Variants in CENPW observed in about 807,000 individuals in gnomAD.
The protein encoded by CENPW is centromere protein W, also known as cancer-up-regulated gene 2 protein.
A neutral mutation model predicts 11.1 loss-of-function variants in CENPW; 3 were observed. The ratio of observed to expected loss-of-function variants is 0.27; its 90% CI spans 0.12 to 0.70. CENPW has a LOEUF of 0.70. Among genes scored for constraint, CENPW ranks in the 30% least tolerant of loss-of-function variants. CENPW has a pLI of 0.77. For missense variants in CENPW, 100 were observed against 105.6 expected (o/e 0.95, Z 0.23); for synonymous variants, 38 against 42.0 (o/e 0.91, Z 0.37).
the CENPW span, among the ~76,000 whole-genome samples, chr6:126,427,653 A>G: frequency 6.6e-6 from 1 of 152,190 alleles, no homozygotes; most frequent in African/African-American, 2.4e-5. Context: ...TATATTATGC[A>G]TTTTTAATCT....
chr6:126,354,972 C>G, the CENPW span, among the ~76,000 whole-genome samples: 1 of 151,940 alleles, frequency 6.6e-6, no homozygotes, highest in Non-Finnish European at 1.5e-5. Flanking sequence ...TCCAAACTAC[C>G]TAGAAATAAA....
chr6:126,371,421 C>T, the CENPW span, among the ~76,000 whole-genome samples: 1 of 152,176 alleles, frequency 6.6e-6, no homozygotes, highest in South Asian at 2.1e-4. Context: ...ACTGTCCCTG[C>T]ATCCCTGATA....
At chr6:126,395,100 T>G in the CENPW span, among the ~76,000 whole-genome samples, 1 of 152,124 alleles carries the variant, frequency 6.6e-6, no homozygotes, top group Non-Finnish European at 1.5e-5. Flanking sequence ...GGAAGTTCTC[T>G]GTTATTATCC....
At chr6:126,443,741 G>GTTC in the CENPW span, among the ~76,000 whole-genome samples, 1 of 150,752 alleles carries the variant, frequency 6.6e-6, no homozygotes, top group African/African-American at 2.4e-5. Context: ...TTTAATCTTG[G>GTTC]TTCTATAGGT....
the CENPW span, among the ~76,000 whole-genome samples, chr6:126,430,633 AG>A: frequency 3.3e-5 from 5 of 152,218 alleles, no homozygotes; most frequent in Non-Finnish European, 5.9e-5. Flanking sequence ...GTGGTAGGAA[AG>A]GTCGGTTGTT....
chr6:126,462,528 T>TCA, the CENPW span, among the ~76,000 whole-genome samples: 176 of 147,860 alleles, frequency 1.2e-3, 1 homozygote, highest in Non-Finnish European at 1.6e-3. Context: ...TCTCTCTCTC[T>TCA]CTCTCACACA....
At chr6:126,349,812 G>T (rs1455195231), downstream of CENPW, among the ~76,000 whole-genome samples, 1 of 151,978 alleles carries the variant, frequency 6.6e-6, no homozygotes, top group Non-Finnish European at 1.5e-5. Context: ...ATTTCCCTGG[G>T]AGTTTTATTC....
the CENPW span, among the ~76,000 whole-genome samples, chr6:126,379,540 C>G: frequency 2.0e-5 from 3 of 152,076 alleles, no homozygotes; most frequent in Admixed American, 6.6e-5. Context: ...GCTGCTAACC[C>G]TCTGCTTCCC....
At chr6:126,363,892 C>A in the CENPW span, among the ~76,000 whole-genome samples, 1 of 152,182 alleles carries the variant, frequency 6.6e-6, no homozygotes, top group Admixed American at 6.5e-5. Flanking sequence ...ATTTAGTGTG[C>A]AGATAACAGT....
chr6:126,459,204 C>T, the CENPW span, among the ~76,000 whole-genome samples: 11 of 151,148 alleles, frequency 7.3e-5, no homozygotes, highest in Admixed American at 2.6e-4. Context: ...TTCTCCATTC[C>T]GATTTTTGAT....
At chr6:126,418,628 A>G in the CENPW span, among the ~76,000 whole-genome samples, 1 of 152,122 alleles carries the variant, frequency 6.6e-6, no homozygotes, top group Non-Finnish European at 1.5e-5. Flanking sequence ...ATCCTAATGT[A>G]AACTTTTAAA....
At chr6:126,407,690 G>A in the CENPW span, among the ~76,000 whole-genome samples, 2 of 152,156 alleles carry the variant, frequency 1.3e-5, no homozygotes, top group African/African-American at 4.8e-5. Context: ...GATCAGTGAT[G>A]TGGAGCTTTT....
At chr6:126,451,287 T>A in the CENPW span, among the ~76,000 whole-genome samples, 1 of 150,766 alleles carries the variant, frequency 6.6e-6, no homozygotes, top group Non-Finnish European at 1.5e-5. Context: ...AATAATTGAG[T>A]ACTCAGAATG....
At chr6:126,396,381 A>G in the CENPW span, among the ~76,000 whole-genome samples, 1 of 152,056 alleles carries the variant, frequency 6.6e-6, no homozygotes, top group Non-Finnish European at 1.5e-5. Flanking sequence ...TGTTTACTCG[A>G]GGCTTAAGTA....
the CENPW span, among the ~76,000 whole-genome samples, chr6:126,467,656 G>T: frequency 4.6e-5 from 7 of 152,098 alleles, no homozygotes; most frequent in African/African-American, 1.4e-4. Context: ...ATAAATAAAT[G>T]TGGGAGATGA....
intron 1 of CENPW, 65 bp downstream of exon 1, chr6:126,340,464 G>A: frequency 1.2e-6 from 2 of 1,611,314 alleles, no homozygotes; most frequent in Non-Finnish European, 1.7e-6. Flanking sequence ...ATAACCTTAA[G>A]CCTTTGTTTT....
downstream of CENPW, chr6:126,348,919 T>C (rs1389716142): frequency 6.5e-6 from 1 of 153,108 alleles, no homozygotes; most frequent in Non-Finnish European, 1.5e-5. Context: ...ATTTTAACTT[T>C]TAATGTCTTT....
chr6:126,365,978 G>C, the CENPW span, among the ~76,000 whole-genome samples: 1 of 152,192 alleles, frequency 6.6e-6, no homozygotes, highest in African/African-American at 2.4e-5. Context: ...TGAACTTTGA[G>C]AGTTGAGGCT....
At chr6:126,474,905 A>G in the CENPW span, among the ~76,000 whole-genome samples, 1 of 152,132 alleles carries the variant, frequency 6.6e-6, no homozygotes, top group East Asian at 1.9e-4. Flanking sequence ...ACTTTGCTAC[A>G]TATGAAAGCA....
Sources: allele counts gnomAD v4.1 joint callset (sites outside exome capture counted in the v4.1 genomes callset), GRCh38; gene constraint gnomAD v4.1.1; transcripts MANE v1.5; gene names NCBI Gene and HGNC (gene_info 2026-07-23, HGNC 2026-07-21).